Variants in MS4A4E observed in about 807,000 individuals in gnomAD.
MS4A4E encodes the protein membrane spanning 4-domains A4E.
Under a neutral mutation model 13.3 loss-of-function variants are expected in MS4A4E, and 23 were observed. That is an observed-to-expected ratio of 1.73 (90% confidence interval 1.25 to 2.45). The LOEUF is 2.45. MS4A4E is among the 30% of genes most tolerant of loss of function. The pLI is 0.00. For synonymous variants in MS4A4E, 36 were observed against 45.6 expected, an observed-to-expected ratio of 0.79 and a Z score of 0.85; for missense variants, 144 against 131.2, an observed-to-expected ratio of 1.10 and a Z score of -0.48.
At chr11:60,217,572 G>A (rs900682457) in intron 3 of MS4A4E, among the ~76,000 whole-genome samples, 2 of 152,184 alleles carry the variant, frequency 1.3e-5, no homozygotes, top group Admixed American at 6.6e-5. Context: ...GACCCCAAAC[G>A]GAGGGACCGG....
At chr11:60,216,777 A>G (rs1377186109) in intron 3 of MS4A4E, among the ~76,000 whole-genome samples, 1 of 152,114 alleles carries the variant, frequency 6.6e-6, no homozygotes, top group African/African-American at 2.4e-5. Context: ...GGAGATTAAC[A>G]TTTGAGTTGG....
intron 8 of MS4A4E, among the ~76,000 whole-genome samples, chr11:60,202,317 C>T (rs114208678): frequency 0.011 from 1,657 of 152,310 alleles, 21 homozygotes; most frequent in African/African-American, 0.037. Flanking sequence ...CAAACCTATC[C>T]TTTGGTGCTA....
chr11:60,221,453 T>G (rs2084269199), intron 3 of MS4A4E, among the ~76,000 whole-genome samples: 1 of 125,508 alleles, frequency 8.0e-6, no homozygotes. Context: ...CCAGGATCAA[T>G]TAACAGAGGA....
intron 1 of MS4A4E, among the ~76,000 whole-genome samples, chr11:60,241,933 C>T (rs1228616692): frequency 6.6e-6 from 1 of 152,120 alleles, no homozygotes; most frequent in African/African-American, 2.4e-5. Context: ...TCTATTGGCC[C>T]CAGTCTCCTT....
At chr11:60,239,663 A>G (rs986992449) in intron 1 of MS4A4E, among the ~76,000 whole-genome samples, 1 of 152,216 alleles carries the variant, frequency 6.6e-6, no homozygotes, top group African/African-American at 2.4e-5. Flanking sequence ...AAGACTATGT[A>G]GAGGTGGGCC....
rs1421352028 is a variant in MS4A4E, at chr11:60,208,566, T to A, written c.483+27A>T. On this transcript the variant is annotated intron_variant, in intron 6 of 8. Transcript: ENST00000651255. Reference sequence around the variant, plus strand: ...TACAGCAATACAAAAGTAATACAGATACCTTCAAATGAAGGCCAATACTGA... The same window carrying A: ...TACAGCAATACAAAAGTAATACAGAAACCTTCAAATGAAGGCCAATACTGA... 3.6e-6 allele frequency: 3 copies of A among 840,940 alleles called. No individual in the cohort carries two copies. The African/African-American group carries it at 5.0e-5, about 14-fold the overall frequency. The allele number at this position is 840,940 out of a possible 1,614,324, so 52.1% of individuals were successfully genotyped here.
At chr11:60,212,587 GCGTGAGCCAC>G (rs1184070739) in intron 5 of MS4A4E, among the ~76,000 whole-genome samples, 1 of 152,198 alleles carries the variant, frequency 6.6e-6, no homozygotes, top group Non-Finnish European at 1.5e-5. Flanking sequence ...GGGATTACAG[GCGTGAGCCAC>G]CGTGTCCGGC....
chr11:60,212,497 G>C (rs550716614), intron 5 of MS4A4E, among the ~76,000 whole-genome samples: 2 of 152,142 alleles, frequency 1.3e-5, no homozygotes, highest in Non-Finnish European at 2.9e-5. Flanking sequence ...TTTTAGTAGA[G>C]ATGGGGTTTC....
At chr11:60,237,178 A>G (rs1161580228) in intron 1 of MS4A4E, among the ~76,000 whole-genome samples, 3 of 152,132 alleles carry the variant, frequency 2.0e-5, no homozygotes, top group Non-Finnish European at 4.4e-5. Flanking sequence ...AGCTCCACTT[A>G]TAAGTGAGAA....
At chr11:60,241,902 A>G (rs1331705059) in intron 1 of MS4A4E, among the ~76,000 whole-genome samples, 1 of 152,092 alleles carries the variant, frequency 6.6e-6, no homozygotes, top group Non-Finnish European at 1.5e-5. Context: ...AGGTGGGGTA[A>G]CCTAGACCAC....
intron 1 of MS4A4E, among the ~76,000 whole-genome samples, chr11:60,242,207 T>G (rs1236681417): frequency 1.3e-5 from 2 of 152,332 alleles, no homozygotes; most frequent in East Asian, 3.9e-4. Context: ...CTGGGTTTTT[T>G]GCTCCTAGCC....
rs147834505 is a variant in MS4A4E at position 60,201,555 on chromosome 11, C to T, written c.984G>A (p.Pro328=). The part of the protein sequence containing the change: ...IWEVRSVSAR[P]PIF ...CGCTCCCCACATCTCAGAAGATGGG[C>T]GGCCGGGCGGAGACACTCCTCACCT... Residue 328 remains proline (P), a synonymous_variant, in exon 9 of 9, where the codon CCG becomes CCA. Coordinates refer to ENST00000651255, the MANE Select transcript of MS4A4E (RefSeq NM_001393391.1). The T allele has an allele frequency of 0.025, 7,852 of 308,074 alleles. 149 individuals carry two copies. The highest frequency in any genetic ancestry group is 0.036 in the Non-Finnish European group (5,550 of 152,544). The allele number at this position is 308,074 out of a possible 1,614,324, so 19.1% of individuals were successfully genotyped here. A position where few individuals can be genotyped will look rare whatever the true frequency, so the allele number is the denominator to read the frequency against.
At chr11:60,220,194 A>G (rs1389737492) in intron 3 of MS4A4E, among the ~76,000 whole-genome samples, 1 of 152,196 alleles carries the variant, frequency 6.6e-6, no homozygotes, top group Non-Finnish European at 1.5e-5. Flanking sequence ...CCACATCCCC[A>G]TTCAACTCTC....
At chr11:60,240,259 T>G (rs2084532515) in intron 1 of MS4A4E, among the ~76,000 whole-genome samples, 1 of 152,208 alleles carries the variant, frequency 6.6e-6, no homozygotes, top group South Asian at 2.1e-4. Flanking sequence ...AGTTTGTCAT[T>G]GATACCTTCC....
At chr11:60,216,204 C>G (rs1171819908) in intron 3 of MS4A4E, among the ~76,000 whole-genome samples, 8 of 152,148 alleles carry the variant, frequency 5.3e-5, no homozygotes, top group Admixed American at 5.2e-4. Context: ...TAGTTCAATG[C>G]CTACAAGAGT....
At chr11:60,230,456 C>T (rs557900024) in intron 1 of MS4A4E, among the ~76,000 whole-genome samples, 2 of 152,304 alleles carry the variant, frequency 1.3e-5, no homozygotes, top group South Asian at 2.1e-4. Flanking sequence ...ATAAGCTACA[C>T]AAATTCATCT....
In MS4A4E at chr11:60,201,235, CG is replaced by C. The variant is rs1173179659; in HGVS notation, c.*307del. On this transcript the variant is annotated 3_prime_UTR_variant, in exon 9 of 9. Transcript: ENST00000651255. ...CTCCCGGACGGGGCGGCTGGCCGGG[CG>C]GGGGGCTGACCCCCCCCACCTCCCT... is the stretch of plus-strand genomic sequence containing the variant. 96 of 131,072 alleles carry C rather than the reference CG, an allele frequency of 7.3e-4. No individual in the cohort carries two copies. The highest frequency in any genetic ancestry group is 9.6e-4 in the Non-Finnish European group (60 of 62,598). The allele number at this position is 131,072 out of a possible 1,614,324, so 8.1% of individuals were successfully genotyped here. A position where few individuals can be genotyped will look rare whatever the true frequency, so the allele number is the denominator to read the frequency against.
At chr11:60,211,774 G>A (rs981895393) in intron 5 of MS4A4E, among the ~76,000 whole-genome samples, 8 of 152,142 alleles carry the variant, frequency 5.3e-5, no homozygotes, top group African/African-American at 1.7e-4. Context: ...TTAGCCAGGC[G>A]TGGTGGCACA....
At chr11:60,232,507 C>A (rs533311800) in intron 1 of MS4A4E, among the ~76,000 whole-genome samples, 3 of 152,242 alleles carry the variant, frequency 2.0e-5, no homozygotes, top group South Asian at 4.2e-4. Flanking sequence ...TCAGGAGGGC[C>A]TTCTTCCTAC....
Sources: gnomAD v4.1 joint callset for allele counts (sites outside exome capture counted in the v4.1 genomes callset) on GRCh38, gnomAD v4.1.1 for gene constraint, MANE v1.5 for transcripts, NCBI Gene and HGNC (gene_info 2026-07-23, HGNC 2026-07-21) for gene names.